Variants in PRKCE observed in about 807,000 individuals in gnomAD.
PRKCE encodes the protein protein kinase C epsilon, also known as protein kinase C epsilon type.
A neutral mutation model predicts 85.4 loss-of-function variants in PRKCE; 16 were observed. The ratio of observed to expected loss-of-function variants is 0.19; its 90% confidence interval spans 0.13 to 0.28. PRKCE has a LOEUF of 0.28. PRKCE is among the 10% of genes least tolerant of loss of function. The pLI is 1.00. For missense variants in PRKCE, 573 were observed against 975.2 expected, an observed-to-expected ratio of 0.59 and a Z score of 5.49; for synonymous variants, 388 against 371.5, an observed-to-expected ratio of 1.04 and a Z score of -0.51.
In PRKCE at chr2:46,145,187, A is replaced by T; in HGVS notation, c.1687A>T (p.Thr563Ser). The change falls in exon 12 of 15, where the codon ACG becomes TCG. Residue 563 changes from threonine (T) to serine (S), a missense_variant. Thr to Ser is a moderately conservative substitution (Grantham distance 58). Around this residue, in one of 11 missense-constraint regions of PRKCE, gnomAD observed 15 missense variants for 42.2 expected, o/e 0.36. Transcript: ENST00000306156. The surrounding 1 kb of genome is among the most constrained non-coding windows in gnomAD (Gnocchi z 4.6). ...CAAGGAAGGGATTCTGAATGGTGTGACGACCACCACGTTCTGTGGGACTCC... is the reference window on the plus strand; with the variant it reads ...CAAGGAAGGGATTCTGAATGGTGTGTCGACCACCACGTTCTGTGGGACTCC... ...MCKEGILNGV[T>S]TTTFCGTPDY... The T allele has an allele frequency of 6.3e-7, 1 of 1,599,668 alleles. No individual in the cohort carries two copies. The highest frequency in any genetic ancestry group is 8.5e-7 in the Non-Finnish European group (1 of 1,179,942).
intron 11 of PRKCE, among the ~76,000 whole-genome samples, chr2:46,105,681 G>A (rs907437151): frequency 2.0e-5 from 3 of 152,080 alleles, no homozygotes; most frequent in Non-Finnish European, 4.4e-5. Context: ...TTTGCTGTGT[G>A]TAATACACAA....
At position 45,950,773 on chromosome 2, in the gene PRKCE, G is replaced by A. The variant is rs1408133036; in HGVS notation, c.413-25656G>A. ...CCAAGTGTCTGTTGTTCACACTTCC[G>A]TTGGCTCAAGGTGAGAAGTGCTTGG... is the stretch of plus-strand genomic sequence containing the variant. On this transcript the variant is annotated intron_variant, in intron 2 of 14. Coordinates refer to ENST00000306156, the MANE Select transcript of PRKCE (RefSeq NM_005400.3). 3.3e-5 allele frequency among the ~76,000 whole-genome samples: 5 copies of A among 152,268 alleles called. No homozygotes were observed. The East Asian group carries it at 5.8e-4, about 18-fold the overall frequency.
chr2:45,775,647 C>A (rs1490533753), intron 1 of PRKCE, among the ~76,000 whole-genome samples: 1 of 152,216 alleles, frequency 6.6e-6, no homozygotes, highest in Non-Finnish European at 1.5e-5. Context: ...TGAGCCTCTG[C>A]CTTCTCCTAC....
chr2:46,173,627 T>G (rs1679133772), intron 14 of PRKCE, among the ~76,000 whole-genome samples: 1 of 152,266 alleles, frequency 6.6e-6, no homozygotes, highest in Non-Finnish European at 1.5e-5. Context: ...GAATTGGCAC[T>G]GCCTTCCAAA....
At position 46,095,598 on chromosome 2, in the gene PRKCE, G is replaced by A. The variant is rs112832065; in HGVS notation, c.1592+9236G>A. 6.2e-3 allele frequency among the ~76,000 whole-genome samples: 937 copies of A among 152,340 alleles called. 17 individuals carry two copies. Among genetic ancestry groups the A allele is most frequent in the African/African-American group, 0.02 (834 of 41,574 alleles). The stretch of plus-strand genomic sequence containing the variant: ...GCATATTTCCTGAGCTTTGGGGATA[G>A]GAAGATGGAAATTCTGCAGCAAAAA... On this transcript the variant is annotated intron_variant, in intron 11 of 14. Coordinates refer to ENST00000306156, the MANE Select transcript of PRKCE (RefSeq NM_005400.3).
intron 14 of PRKCE, among the ~76,000 whole-genome samples, chr2:46,176,403 A>G (rs1158079429): frequency 6.6e-6 from 1 of 152,054 alleles, no homozygotes; most frequent in Non-Finnish European, 1.5e-5. Context: ...TGCTTGGTAA[A>G]TTGGAAATGA....
Position 46,171,413 on chromosome 2 carries a change from G to T in PRKCE, c.2067+11661G>T, listed in dbSNP as rs975804736. 2.6e-5 allele frequency among the ~76,000 whole-genome samples: 4 copies of T among 152,236 alleles called. No homozygotes were observed. In the East Asian group the frequency reaches 7.7e-4, roughly 29 times the overall value. ...TGTTTGATGTTAACACAGCAACACC[G>T]CTATTGACAGAAACCATTGAACTGG... On this transcript the variant is annotated intron_variant, in intron 14 of 14. Transcript: ENST00000306156.
At chr2:45,849,795 G>A (rs1412752712) in intron 2 of PRKCE, among the ~76,000 whole-genome samples, 1 of 152,074 alleles carries the variant, frequency 6.6e-6, no homozygotes, top group Admixed American at 6.5e-5. Flanking sequence ...CCCCACCCCG[G>A]CATAACTTCT....
intron 12 of PRKCE, among the ~76,000 whole-genome samples, chr2:46,147,824 T>A (rs1393134280): frequency 6.6e-6 from 1 of 152,226 alleles, no homozygotes; most frequent in Non-Finnish European, 1.5e-5. Context: ...AATTGAGTCT[T>A]GAGTCCAGAT....
intron 1 of PRKCE, among the ~76,000 whole-genome samples, chr2:45,678,559 A>G (rs1462159967): frequency 6.6e-6 from 1 of 151,696 alleles, no homozygotes; most frequent in African/African-American, 2.4e-5. Context: ...TAAAACTAAT[A>G]TCATGTGAGG....
chr2:45,976,781 G>A (rs565011491), intron 3 of PRKCE, among the ~76,000 whole-genome samples, 193 bp downstream of exon 3: 3 of 152,012 alleles, frequency 2.0e-5, no homozygotes, highest in South Asian at 2.1e-4. Flanking sequence ...GGAAAGAAGC[G>A]ATGGTTTCTG....
chr2:45,698,577 A>T (rs1031563327), intron 1 of PRKCE, among the ~76,000 whole-genome samples: 12 of 152,132 alleles, frequency 7.9e-5, no homozygotes, highest in South Asian at 2.1e-4. Context: ...CAGAAAAAAA[A>T]ATATATGAAG....
intron 14 of PRKCE, among the ~76,000 whole-genome samples, chr2:46,171,545 C>T (rs948091170): frequency 4.6e-5 from 7 of 152,206 alleles, no homozygotes; most frequent in Non-Finnish European, 8.8e-5. Context: ...GGGGCACAGC[C>T]TCGGGGTCAG....
intron 2 of PRKCE, among the ~76,000 whole-genome samples, chr2:45,885,002 T>TTTTTTTTTTTTGTTG (rs375477829): frequency 1.0e-5 from 1 of 97,642 alleles, no homozygotes; most frequent in Non-Finnish European, 2.1e-5. Flanking sequence ...TATATATATA[T>TTTTTTTTTTTTGTTG]TTGTTGTTGT....
At chr2:45,671,625 A>T (rs1676164726) in intron 1 of PRKCE, among the ~76,000 whole-genome samples, 1 of 152,164 alleles carries the variant, frequency 6.6e-6, no homozygotes, top group Non-Finnish European at 1.5e-5. Context: ...CTCTTAGAGA[A>T]GATTAGGTAG....
intron 11 of PRKCE, among the ~76,000 whole-genome samples, chr2:46,102,508 C>A (rs912653408): frequency 1.3e-5 from 2 of 152,202 alleles, no homozygotes; most frequent in Non-Finnish European, 2.9e-5. Flanking sequence ...AATACTGACA[C>A]ATTATTATTA....
intron 2 of PRKCE, among the ~76,000 whole-genome samples, chr2:45,959,267 C>G (rs1415090414): frequency 1.3e-5 from 2 of 152,142 alleles, no homozygotes; most frequent in African/African-American, 2.4e-5. Context: ...GCCAGGGCAT[C>G]TCTAGAATGA....
At chr2:45,958,622 C>G (rs112367586) in intron 2 of PRKCE, among the ~76,000 whole-genome samples, 29 of 150,136 alleles carry the variant, frequency 1.9e-4, no homozygotes, top group African/African-American at 4.9e-4. Context: ...TCACACACCC[C>G]CTATGCTCCC....
chr2:46,146,899 T>C (rs549794784), intron 12 of PRKCE, among the ~76,000 whole-genome samples: 61 of 152,272 alleles, frequency 4.0e-4, no homozygotes, highest in African/African-American at 1.2e-3. Flanking sequence ...AAAGACCCAG[T>C]GAATGTGGCT....
Sources: gnomAD v4.1 joint callset for allele counts (sites outside exome capture counted in the v4.1 genomes callset) on GRCh38, gnomAD v4.1.1 for gene constraint, gnomAD v4.1.1 regional missense constraint, Gnocchi (gnomAD v3.1) non-coding constraint, MANE v1.5 for transcripts, NCBI Gene and HGNC (gene_info 2026-07-23, HGNC 2026-07-21) for gene names.